CRTC2: variants seen among roughly 807,000 people sequenced by gnomAD.
CRTC2 encodes the protein CREB-regulated transcription coactivator 2.
In CRTC2, 25 loss-of-function variants were observed where a neutral mutation model predicts 70.9. The ratio of observed to expected loss-of-function variants is 0.35; its 90% CI spans 0.26 to 0.49. The LOEUF is 0.49. CRTC2 is among the 20% of genes least tolerant of loss of function. CRTC2 has a pLI of 0.98. For synonymous variants in CRTC2, 330 were observed against 364.1 expected (o/e 0.91, Z 1.07); for missense variants, 737 against 882.6 (o/e 0.83, Z 2.09).
In CRTC2 at chr1:153,958,505, C is replaced by T. The variant is rs1341232225; in HGVS notation, c.-8G>A. ...CGCCCCCGACGTCGCCATCTTCCTTCCCCGTCCCTCCCTGCCACCCTCCCA... is the reference window on the plus strand; with the variant it reads ...CGCCCCCGACGTCGCCATCTTCCTTTCCCGTCCCTCCCTGCCACCCTCCCA... On this transcript the variant is annotated 5_prime_UTR_variant, in exon 1 of 14. Coordinates refer to ENST00000368633, the MANE Select transcript of CRTC2 (RefSeq NM_181715.3). The T allele has an allele frequency of 6.2e-7, 1 of 1,604,704 alleles. No homozygotes were observed. The highest frequency in any genetic ancestry group is 8.5e-7 in the Non-Finnish European group (1 of 1,174,254).
In CRTC2 at chr1:153,948,593, G is replaced by T; in HGVS notation, c.1726C>A (p.Pro576Thr). ...AATCCAGGCCCTTCAGAAAAGCCAG[G>T]GGGATCCAGCACCAGGCTGGCTGAT... ...SPSASLVLDP[P>T]GFSEGPGFLG... is the part of the protein sequence containing the mutation. The change falls in exon 13 of 14, where the codon CCT (proline) becomes ACT (threonine). Residue 576 changes from proline to threonine, a missense_variant. This residue lies in a region of CRTC2 where 699 missense variants were observed against 823.7 expected (regional missense o/e 0.85). Coordinates refer to ENST00000368633, the MANE Select transcript of CRTC2 (RefSeq NM_181715.3). 6.2e-7 allele frequency: 1 copy of T among 1,605,580 alleles called. No homozygotes were observed. The highest frequency in any genetic ancestry group is 8.5e-7 in the Non-Finnish European group (1 of 1,176,592).
At position 153,958,501 on chromosome 1, in the gene CRTC2, C is replaced by T. The variant is rs373532549; in HGVS notation, c.-4G>A. 1 of 1,605,890 alleles carries T rather than the reference C, an allele frequency of 6.2e-7. No individual in the cohort carries two copies. The highest frequency in any genetic ancestry group is 8.5e-7 in the Non-Finnish European group (1 of 1,174,884). ...CGTTCGCCCCCGACGTCGCCATCTT[C>T]CTTCCCCGTCCCTCCCTGCCACCCT... On this transcript the variant is annotated 5_prime_UTR_variant, in exon 1 of 14. Transcript: ENST00000368633.
Position 153,952,198 on chromosome 1 carries a change from C to A in CRTC2, c.817G>T (p.Gly273Cys). 1 of 1,613,286 alleles carries A rather than the reference C, an allele frequency of 6.2e-7. No homozygotes were observed. The highest frequency in any genetic ancestry group is 8.5e-7 in the Non-Finnish European group (1 of 1,179,576). Reference sequence around the variant, plus strand: ...AGGTTGGTGAGGTCAGGTAGGGAGCCCCCCGTGTTCATGGCAGGTGGGAGG... The same window carrying A: ...AGGTTGGTGAGGTCAGGTAGGGAGCACCCCGTGTTCATGGCAGGTGGGAGG... ...PVLPPAMNTG[G>C]SLPDLTNLHF... The change falls in exon 10 of 14, where the codon GGC (glycine) becomes TGC (cysteine). Residue 273 changes from glycine (G) to cysteine (C), a missense_variant. Around this residue, in one of 3 missense-constraint regions of CRTC2, gnomAD observed 699 missense variants for 823.7 expected, o/e 0.85. Coordinates refer to ENST00000368633, the MANE Select transcript of CRTC2 (RefSeq NM_181715.3).
intron 12 of CRTC2, 40 bp downstream of exon 12, chr1:153,949,075 C>T (rs775864743): frequency 2.8e-5 from 44 of 1,596,514 alleles, no homozygotes; most frequent in Non-Finnish European, 3.5e-5. Flanking sequence ...CCCACCCTCA[C>T]CCACTCCCCT....
At chr1:153,957,734 C>T (rs1156718008) in intron 1 of CRTC2, among the ~76,000 whole-genome samples, 1 of 152,164 alleles carries the variant, frequency 6.6e-6, no homozygotes, top group Non-Finnish European at 1.5e-5. Context: ...CCAAGGAGGC[C>T]AGGACAAAAC....
chr1:153,948,069 G>A lies in CRTC2; in HGVS notation c.*40C>T. 1.3e-6 allele frequency: 2 copies of A among 1,585,610 alleles called. No homozygotes were observed. The highest frequency in any genetic ancestry group is 1.7e-6 in the Non-Finnish European group (2 of 1,155,418). On this transcript the variant is annotated 3_prime_UTR_variant, in exon 14 of 14. Coordinates refer to ENST00000368633, the MANE Select transcript of CRTC2 (RefSeq NM_181715.3). ...GGGAAGGGAGGAAAGGAATGGTGGT[G>A]GGGGATGGGGCCAAGAAGAGGGATG...
Position 153,954,890 on chromosome 1 carries a change from G to A in CRTC2, c.355C>T (p.Arg119Cys). The A allele has an allele frequency of 1.9e-6, 3 of 1,613,238 alleles. No individual in the cohort carries two copies. Among genetic ancestry groups the A allele is most frequent in the Non-Finnish European group, 2.5e-6 (3 of 1,179,944 alleles). The part of the protein sequence containing the change: ...RDPRRMVSPL[R>C]RYTRHIDSSP... ...AAGGATATGTGGCGGGTGTATCGGCGAAGTGGGGACACCATTCTTCGAGGA... is the reference window on the plus strand; with the variant it reads ...AAGGATATGTGGCGGGTGTATCGGCAAAGTGGGGACACCATTCTTCGAGGA... Residue 119 changes from arginine to cysteine, a missense_variant, in exon 3 of 14, where the codon CGC (arginine) becomes TGC (cysteine). Physicochemically the swap from Arg to Cys is radical, Grantham distance 180. Coordinates refer to ENST00000368633, the MANE Select transcript of CRTC2 (RefSeq NM_181715.3).
intron 11 of CRTC2, 130 bp from the exon 12 acceptor site, chr1:153,949,514 G>T: frequency 1.0e-6 from 1 of 996,668 alleles, no homozygotes. Flanking sequence ...CATTCTCACG[G>T]GCATCCCTGG....
At chr1:153,954,568 T>G (rs1680526823) in intron 3 of CRTC2, among the ~76,000 whole-genome samples, 1 of 152,098 alleles carries the variant, frequency 6.6e-6, no homozygotes, top group Non-Finnish European at 1.5e-5. Flanking sequence ...GACTGAAAAC[T>G]TAGAAATCTG....
At chr1:153,954,707 G>T (rs1000342252) in intron 3 of CRTC2, among the ~76,000 whole-genome samples, 166 bp downstream of exon 3, 1 of 152,216 alleles carries the variant, frequency 6.6e-6, no homozygotes, top group Admixed American at 6.5e-5. Flanking sequence ...CTTGTCACAG[G>T]AGCAGGTGCT....
At chr1:153,951,783 C>G in intron 10 of CRTC2, 117 bp from the exon 11 acceptor site, 3 of 1,190,012 alleles carry the variant, frequency 2.5e-6, no homozygotes, top group Non-Finnish European at 3.5e-6. Flanking sequence ...AACGTCCTCC[C>G]TACTCTATCC....
rs1680319003 is a variant in CRTC2 at position 153,951,512 on chromosome 1, G to A, written c.1152C>T (p.Thr384=). The change falls in exon 11 of 14, where the codon ACC becomes ACT. Residue 384 remains threonine (T), a synonymous_variant. Transcript: ENST00000368633. ...TGAGTGAGGGGTGGCCCAGGGAGGT[G>A]GTGGGCAGTACATGGCGGGCCAAGG... ...ASSLARHVLP[T]TSLGHPSLSA... 1.9e-6 allele frequency: 3 copies of A among 1,603,170 alleles called. No individual in the cohort carries two copies. The highest frequency in any genetic ancestry group is 1.7e-4 in the Middle Eastern group (1 of 5,944).
intron 11 of CRTC2, 98 bp downstream of exon 11, chr1:153,951,162 A>G: frequency 8.0e-7 from 1 of 1,248,490 alleles, no homozygotes; most frequent in Non-Finnish European, 1.1e-6. Context: ...GGGGATGAGT[A>G]TAGAGTAGGT....
chr1:153,954,343 G>A (rs377570840), intron 3 of CRTC2, 27 bp from the exon 4 acceptor site: 67 of 1,564,248 alleles, frequency 4.3e-5, no homozygotes, highest in Non-Finnish European at 2.9e-5. Flanking sequence ...AAGGAAAAAA[G>A]TAGAGAGGAC....
chr1:153,955,229 C>A, intron 1 of CRTC2, 63 bp from the exon 2 acceptor site: 1 of 1,248,482 alleles, frequency 8.0e-7, no homozygotes, highest in Non-Finnish European at 1.2e-6. Context: ...CTTCAGCCAT[C>A]CTTGCCATCT....
rs1168071544 is a variant in CRTC2 at position 153,949,395 on chromosome 1, G to T, written c.1405-11C>A. On this transcript the variant is annotated splice_polypyrimidine_tract_variant and intron_variant, in intron 11 of 13. Transcript: ENST00000368633. ...ATCCAGGGGGACGCCCTGAAAAGAA[G>T]TAAAAAGAGGGAAGCTTACTGCTCA... 13 of 1,595,380 alleles carry T rather than the reference G, an allele frequency of 8.1e-6. No homozygotes were observed. The highest frequency in any genetic ancestry group is 1.1e-5 in the Non-Finnish European group (13 of 1,171,258).
chr1:153,953,369 C>T lies in CRTC2; in HGVS notation c.504G>A (p.Arg168=), dbSNP rs1680459382. ...TATGAAGGGCAGAGTCAGAGCTTGT[C>T]CTATGGGGGGAGCAGGAATGAGCTG... ...QLFRLPSALN[R]TSSDSALHTS... The change falls in exon 6 of 14, where the codon AGG becomes AGA. Residue 168 remains arginine, a splice_region_variant and synonymous_variant. Coordinates refer to ENST00000368633, the MANE Select transcript of CRTC2 (RefSeq NM_181715.3). 2 of 1,602,288 alleles carry T rather than the reference C, an allele frequency of 1.2e-6. No homozygotes were observed. Among genetic ancestry groups the T allele is most frequent in the South Asian group, 2.2e-5 (2 of 89,970 alleles).
Position 153,955,001 on chromosome 1 carries a change from G to A in CRTC2, c.256-12C>T. 6.2e-7 allele frequency: 1 copy of A among 1,613,234 alleles called. No homozygotes were observed. Among genetic ancestry groups the A allele is most frequent in the Non-Finnish European group, 8.5e-7 (1 of 1,179,208 alleles). ...GAGTGGAGGGGGCTCTGCCAAAAAGGACAGAAGTCAGCAGAGGAAGCAGCC... is the reference window on the plus strand; with the variant it reads ...GAGTGGAGGGGGCTCTGCCAAAAAGAACAGAAGTCAGCAGAGGAAGCAGCC... On this transcript the variant is annotated splice_polypyrimidine_tract_variant and intron_variant, in intron 2 of 13. Coordinates refer to ENST00000368633, the MANE Select transcript of CRTC2 (RefSeq NM_181715.3).
At position 153,949,130 on chromosome 1, in the gene CRTC2, G is replaced by A. The variant is rs1384110712; in HGVS notation, c.1659C>T (p.Asp553=). 1 of 1,608,922 alleles carries A rather than the reference G, an allele frequency of 6.2e-7. No homozygotes were observed. Among genetic ancestry groups the A allele is most frequent in the East Asian group, 2.2e-5 (1 of 44,822 alleles). The part of the protein sequence containing the change: ...GQQSYHRPMS[D]FNLGNLEQFS... ...GAGTACTCACATTCCCCAGGTTGAA[G>A]TCACTCATTGGCCGGTGGTAAGACT... The change falls in exon 12 of 14, where the codon GAC becomes GAT. Residue 553 remains aspartate, a synonymous_variant. Transcript: ENST00000368633.
Sources: gnomAD v4.1 joint callset for allele counts (sites outside exome capture counted in the v4.1 genomes callset) on GRCh38, gnomAD v4.1.1 for gene constraint, gnomAD v4.1.1 regional missense constraint, MANE v1.5 for transcripts, NCBI Gene and HGNC (gene_info 2026-07-23, HGNC 2026-07-21) for gene names.